PTPRD: variants seen among roughly 807,000 people sequenced by gnomAD.
PTPRD encodes receptor-type tyrosine-protein phosphatase delta.
A neutral mutation model predicts 214.5 loss-of-function variants in PTPRD; 34 were observed. That is an observed-to-expected ratio of 0.16 (90% CI 0.12 to 0.21). The LOEUF (loss-of-function observed/expected upper bound fraction) is 0.21. PTPRD is among the 10% of genes least tolerant of loss of function. PTPRD has a pLI of 1.00. For synonymous variants in PTPRD, 1,128 were observed against 845.7 expected, an observed-to-expected ratio of 1.33 and a Z score of -5.79; for missense variants, 2,545 against 2,398.7, an observed-to-expected ratio of 1.06 and a Z score of -1.27.
At chr9:8,385,464 T>C (rs1234247266) in intron 37 of PTPRD, among the ~76,000 whole-genome samples, 1 of 152,174 alleles carries the variant, frequency 6.6e-6, no homozygotes, top group African/African-American at 2.4e-5. Context: ...CAGTGAACTA[T>C]GACCACACCA....
At chr9:9,440,990 A>C (rs1389821071) in intron 8 of PTPRD, among the ~76,000 whole-genome samples, 1 of 152,196 alleles carries the variant, frequency 6.6e-6, no homozygotes, top group African/African-American at 2.4e-5. Context: ...TAGCCTAGTC[A>C]ATCTACAGAA....
chr9:8,771,139 C>T (rs1001131005), intron 11 of PTPRD, among the ~76,000 whole-genome samples: 1 of 149,492 alleles, frequency 6.7e-6, no homozygotes, highest in African/African-American at 2.5e-5. Context: ...CGAGATCACA[C>T]CACTGCACTC....
chr9:9,545,285 C>A (rs2154277083), intron 8 of PTPRD, among the ~76,000 whole-genome samples: 1 of 151,826 alleles, frequency 6.6e-6, no homozygotes, highest in South Asian at 2.1e-4. Flanking sequence ...TGCTAAAAAT[C>A]CTCTGTGCTG....
intron 9 of PTPRD, among the ~76,000 whole-genome samples, chr9:9,270,822 A>G (rs556825375): frequency 1.3e-5 from 2 of 151,544 alleles, no homozygotes; most frequent in South Asian, 4.1e-4. Context: ...AAAAGTTAAC[A>G]GGATTCACAC....
intron 8 of PTPRD, among the ~76,000 whole-genome samples, chr9:9,568,552 A>G (rs1001261140): frequency 2.6e-5 from 4 of 151,882 alleles, no homozygotes; most frequent in African/African-American, 9.7e-5. Flanking sequence ...TTTGATATTA[A>G]CCATCCAATT....
intron 9 of PTPRD, among the ~76,000 whole-genome samples, chr9:9,217,475 C>T (rs920621183): frequency 4.6e-5 from 7 of 152,062 alleles, no homozygotes; most frequent in African/African-American, 7.2e-5. Flanking sequence ...TCATTATGTC[C>T]TCTTCTTTGA....
chr9:9,397,420 C>G (rs7859463), intron 9 of PTPRD, 29 bp downstream of exon 9: 38,531 of 152,154 alleles, frequency 0.25, 5,010 homozygotes, highest in Middle Eastern at 0.3. Flanking sequence ...GTATTCCGTG[C>G]AGACATAAGA....
At chr9:10,061,158 C>T (rs985761512) in intron 3 of PTPRD, among the ~76,000 whole-genome samples, 3 of 151,678 alleles carry the variant, frequency 2.0e-5, no homozygotes, top group Non-Finnish European at 4.4e-5. Flanking sequence ...AATACTTGCT[C>T]ATTTAAGTTA....
chr9:10,368,922 T>C (rs990542839), intron 2 of PTPRD, among the ~76,000 whole-genome samples: 8 of 152,144 alleles, frequency 5.3e-5, no homozygotes, highest in Non-Finnish European at 1.2e-4. Context: ...GAGGATATGA[T>C]TAAGCAGCAA....
intron 9 of PTPRD, among the ~76,000 whole-genome samples, chr9:9,333,437 C>G (rs1221379120): frequency 4.0e-5 from 6 of 148,286 alleles, no homozygotes; most frequent in Non-Finnish European, 7.4e-5. Flanking sequence ...GCATTGGGCT[C>G]TCTATATGGG....
chr9:9,121,298 A>G (rs895486224), intron 10 of PTPRD, among the ~76,000 whole-genome samples: 24 of 152,234 alleles, frequency 1.6e-4, no homozygotes, highest in Non-Finnish European at 5.9e-5. Context: ...AGAACTGCCA[A>G]TTGATTGAGC....
intron 11 of PTPRD, among the ~76,000 whole-genome samples, chr9:8,900,410 A>C (rs1475618628): frequency 2.6e-5 from 4 of 152,222 alleles, no homozygotes; most frequent in Non-Finnish European, 4.4e-5. Flanking sequence ...AAAAACTGTA[A>C]TAAAATGGCA....
chr9:8,491,318 T>C (rs2097144587), intron 27 of PTPRD, among the ~76,000 whole-genome samples: 1 of 152,084 alleles, frequency 6.6e-6, no homozygotes, highest in South Asian at 2.1e-4. Context: ...TAAAAAGGGA[T>C]GAGCTAGCCT....
chr9:9,448,297 C>T (rs1441542484), intron 8 of PTPRD, among the ~76,000 whole-genome samples: 1 of 152,064 alleles, frequency 6.6e-6, no homozygotes, highest in African/African-American at 2.4e-5. Flanking sequence ...GTAGTCCCCA[C>T]ACGAGGAGGG....
chr9:8,550,679 C>A (rs2081797177), intron 14 of PTPRD, among the ~76,000 whole-genome samples: 2 of 152,112 alleles, frequency 1.3e-5, no homozygotes, highest in Admixed American at 6.5e-5. Context: ...GCAAGAGAAA[C>A]CTAGAAATAT....
intron 2 of PTPRD, among the ~76,000 whole-genome samples, chr9:10,543,487 CACACACACACACACACACAA>C (rs2059577120): frequency 4.0e-5 from 6 of 151,072 alleles, no homozygotes; most frequent in African/African-American, 1.5e-4. Flanking sequence ...TATACACACA[CACACACACACACACACACAA>C]ACACACACAC....
chr9:9,745,281 G>T (rs1490635160), intron 6 of PTPRD, among the ~76,000 whole-genome samples: 2 of 152,042 alleles, frequency 1.3e-5, no homozygotes, highest in African/African-American at 4.8e-5. Context: ...CTTAAATGCT[G>T]TGGACTATGC....
intron 37 of PTPRD, among the ~76,000 whole-genome samples, chr9:8,388,774 T>TA (rs1296026548): frequency 6.6e-6 from 1 of 152,168 alleles, no homozygotes; most frequent in Non-Finnish European, 1.5e-5. Context: ...TAATTTATAC[T>TA]AATGTGAATA....
At chr9:8,713,222 G>A in intron 12 of PTPRD, 2 of 590,130 alleles carry the variant, frequency 3.4e-6, no homozygotes, top group South Asian at 2.1e-5. Flanking sequence ...TTGGTATCCA[G>A]TTCGCTCCTA....
Sources: gnomAD v4.1 joint callset for allele counts (sites outside exome capture counted in the v4.1 genomes callset) on GRCh38, gnomAD v4.1.1 for gene constraint, MANE v1.5 for transcripts, NCBI Gene and HGNC (gene_info 2026-07-23, HGNC 2026-07-21) for gene names.